CDH16: variants seen among roughly 807,000 people sequenced by gnomAD.
CDH16 encodes cadherin 16, also known as cadherin-16.
In CDH16, 79 loss-of-function variants were observed where a neutral mutation model predicts 87.6. That is an observed-to-expected ratio of 0.90 (90% CI 0.75 to 1.09). The LOEUF (loss-of-function observed/expected upper bound fraction) is 1.09, where lower values mean the gene tolerates loss of function less well. Ranked by LOEUF, CDH16 falls within the 50% of genes least tolerant of loss-of-function variation. CDH16 has a pLI of 0.00. For missense variants in CDH16, 1,124 were observed against 1,071.7 expected, an observed-to-expected ratio of 1.05 and a Z score of -0.68; for synonymous variants, 457 against 439.5, an observed-to-expected ratio of 1.04 and a Z score of -0.50.
At chr16:66,913,045 G>T in intron 9 of CDH16, 86 bp downstream of exon 9, 1 of 1,446,850 alleles carries the variant, frequency 6.9e-7, no homozygotes, top group South Asian at 1.3e-5. Context: ...ATTGACATGG[G>T]GGCCTGAGGC....
Position 66,915,259 on chromosome 16 carries a change from G to T in CDH16, c.544C>A (p.Leu182Met). 1 of 1,613,586 alleles carries T rather than the reference G, an allele frequency of 6.2e-7. No homozygotes were observed. Among genetic ancestry groups the T allele is most frequent in the Non-Finnish European group, 8.5e-7 (1 of 1,179,922 alleles). ...GCCAGAGCCCCCAGCCGAGGCTCCA[G>T]CTGGAACATGTCTGGGGAAGGCTGG... ...PAQPSPDMFQ[L>M]EPRLGALALS... The change falls in exon 6 of 18, where the codon CTG (leucine) becomes ATG (methionine). Residue 182 changes from leucine to methionine, a missense_variant. Transcript: ENST00000299752.
intron 7 of CDH16, among the ~76,000 whole-genome samples, 179 bp from the exon 8 acceptor site, chr16:66,913,792 G>A (rs1484939954): frequency 6.6e-6 from 1 of 152,218 alleles, no homozygotes; most frequent in African/African-American, 2.4e-5. Context: ...TAGTGGCCTT[G>A]CCCTGATCCA....
At position 66,913,281 on chromosome 16, in the gene CDH16, A is replaced by G. The variant is rs2145459493; in HGVS notation, c.904T>C (p.Tyr302His). 6.4e-7 allele frequency: 1 copy of G among 1,552,812 alleles called. No individual in the cohort carries two copies. Among genetic ancestry groups the G allele is most frequent in the South Asian group, 1.2e-5 (1 of 80,602 alleles). Reference protein sequence around the residue: ...RELDREAQAEYLLQVRAQNSH... With the variant: ...RELDREAQAEHLLQVRAQNSH... The stretch of plus-strand genomic sequence containing the variant: ...TTCTGAGCCCGCACCTGGAGCAGGT[A>G]CTGCGGTGGGCAGTAGGGGGCTTCA... Residue 302 changes from tyrosine to histidine, a missense_variant and splice_region_variant, in exon 9 of 18, where the codon TAC becomes CAC. Physicochemically the swap from Tyr to His is moderately conservative, Grantham distance 83. Coordinates refer to ENST00000299752, the MANE Select transcript of CDH16 (RefSeq NM_004062.4).
At position 66,909,999 on chromosome 16, in the gene CDH16, C is replaced by T. The variant is rs766493773; in HGVS notation, c.2262G>A (p.Gln754=). Residue 754 remains glutamine (Q), a synonymous_variant, in exon 16 of 18, where the codon CAG becomes CAA. Transcript: ENST00000299752. The surrounding 1 kb of genome is among the most constrained non-coding windows in gnomAD (Gnocchi z 4.1). ...VVVSHNAQMW[Q]LLVRVIVCRC... is the part of the protein sequence containing the mutation. ...GCCCAATCTCACCTCGAACCAGGAG[C>T]TGCCACATCTGGGCATTGTGGCTGA... 31 of 1,604,704 alleles carry T rather than the reference C, an allele frequency of 1.9e-5. No individual in the cohort carries two copies. The highest frequency in any genetic ancestry group is 2.6e-5 in the Non-Finnish European group (31 of 1,174,880).
chr16:66,909,650 G>A lies in CDH16; in HGVS notation c.2276-267C>T, dbSNP rs1962319641. On this transcript the variant is annotated intron_variant, in intron 16 of 17. Coordinates refer to ENST00000299752, the MANE Select transcript of CDH16 (RefSeq NM_004062.4). This position sits in a 1 kb window ranked among gnomAD's most constrained non-coding sequence, Gnocchi z 4.1. ...ATCTCTACTAAAAATACAAAAATTA[G>A]CAGGGCATGATGGTGCACACCTGTA... Among the ~76,000 whole-genome samples the A allele has an allele frequency of 6.6e-6, 1 of 152,132 alleles. No individual in the cohort carries two copies. The highest frequency in any genetic ancestry group is 6.5e-5 in the Admixed American group (1 of 15,274).
At position 66,912,744 on chromosome 16, in the gene CDH16, G is replaced by A. The variant is rs201421430; in HGVS notation, c.1202C>T (p.Thr401Met). ...TGCTCGGAGTGGGAGCACCCCCAGC[G>A]TCACACTGCCTGAAGTGGGGTCCAC... Reference protein sequence around the residue: ...FQVDPTSGSVTLGVLPLRAGQ... With the variant: ...FQVDPTSGSVMLGVLPLRAGQ... The change falls in exon 10 of 18, where the codon ACG becomes ATG. Residue 401 changes from threonine (T) to methionine (M), a missense_variant. Transcript: ENST00000299752. 14 of 1,613,552 alleles carry A rather than the reference G, an allele frequency of 8.7e-6. No individual in the cohort carries two copies. The highest frequency in any genetic ancestry group is 2.2e-5 in the East Asian group (1 of 44,862).
intron 2 of CDH16, 22 bp downstream of exon 2, chr16:66,917,999 G>C (rs769662630): frequency 7.4e-5 from 115 of 1,562,378 alleles, no homozygotes; most frequent in Non-Finnish European, 9.7e-5. Context: ...ACCTGAAGGA[G>C]AGGGGGCAGG....
In CDH16 at chr16:66,909,412, GA is replaced by G; in HGVS notation, c.2276-30del. 9.8e-7 allele frequency: 1 copy of G among 1,016,106 alleles called. No homozygotes were observed. 62.9% of individuals were successfully genotyped at this position (1,016,106 alleles called of 1,614,324 possible). A position where few individuals can be genotyped will look rare whatever the true frequency, so the allele number is the denominator to read the frequency against. On this transcript the variant is annotated intron_variant, in intron 16 of 17. Coordinates refer to ENST00000299752, the MANE Select transcript of CDH16 (RefSeq NM_004062.4). The surrounding 1 kb of genome is among the most constrained non-coding windows in gnomAD (Gnocchi z 4.1). The stretch of plus-strand genomic sequence containing the variant: ...AGGGGAGAGGGGAGGAAGGTAAGGG[GA>G]GGGAGGGGAGGGCTCCCCAGCTGCT...
In CDH16 at chr16:66,909,355, C is replaced by T. The variant is rs1962303972; in HGVS notation, c.2304G>A (p.Gly768=). The T allele has an allele frequency of 6.2e-7, 1 of 1,613,082 alleles. No individual in the cohort carries two copies. Among genetic ancestry groups the T allele is most frequent in the Non-Finnish European group, 8.5e-7 (1 of 1,179,836 alleles). The part of the protein sequence containing the change: ...RVIVCRCNVE[G]QCMRKVGRMK... ...TGCGGCCCACCTTGCGCATGCACTG[C>T]CCCTCCACGTTGCAGCGACACACGA... The change falls in exon 17 of 18, where the codon GGG becomes GGA. Residue 768 remains glycine (G), a synonymous_variant. Transcript: ENST00000299752. This position sits in a 1 kb window ranked among gnomAD's most constrained non-coding sequence, Gnocchi z 4.1.
Position 66,912,219 on chromosome 16 carries a change from T to G in CDH16, c.1548+23A>C, listed in dbSNP as rs578016082. ...TGCATGCGTGCATGTGTGGGCCCCT[T>G]TCCCAGCTACCCAGGCCCTCACCTT... On this transcript the variant is annotated intron_variant, in intron 12 of 17. Coordinates refer to ENST00000299752, the MANE Select transcript of CDH16 (RefSeq NM_004062.4). 109 of 1,600,066 alleles carry G rather than the reference T, an allele frequency of 6.8e-5. No homozygotes were observed. The South Asian group carries it at 1.2e-3, about 17-fold the overall frequency.
chr16:66,913,076 G>A (rs951064284), intron 9 of CDH16, 55 bp downstream of exon 9: 2 of 1,560,730 alleles, frequency 1.3e-6, no homozygotes, highest in African/African-American at 1.4e-5. Flanking sequence ...TCCCAGAGAA[G>A]AGCAAGACCA....
chr16:66,913,706 G>C, intron 7 of CDH16, 93 bp from the exon 8 acceptor site: 3 of 1,521,966 alleles, frequency 2.0e-6, no homozygotes, highest in African/African-American at 2.7e-5. Context: ...GAGCCCAACT[G>C]TGTGACCCAG....
Position 66,909,943 on chromosome 16 carries a change from G to A in CDH16, c.2275+43C>T, listed in dbSNP as rs115401381. 7.2e-4 allele frequency: 1,014 copies of A among 1,411,668 alleles called. 2 individuals carry two copies. The African/African-American group carries it at 0.013, about 17-fold the overall frequency. 87.4% of individuals were successfully genotyped at this position (1,411,668 alleles called of 1,614,324 possible). ...CAGCTCCCTCCCCTTGCATCCCAGCGGTTCCCTCAGGAACTGCAGGCTGCA... is the reference window on the plus strand; with the variant it reads ...CAGCTCCCTCCCCTTGCATCCCAGCAGTTCCCTCAGGAACTGCAGGCTGCA... On this transcript the variant is annotated intron_variant, in intron 16 of 17. Transcript: ENST00000299752. The surrounding 1 kb of genome is among the most constrained non-coding windows in gnomAD (Gnocchi z 4.1).
At chr16:66,910,218 C>T (rs771515481) in intron 15 of CDH16, 42 bp downstream of exon 15, 9 of 1,561,956 alleles carry the variant, frequency 5.8e-6, no homozygotes, top group Non-Finnish European at 7.8e-6. Context: ...ACACCCCCTC[C>T]CTGCCTTGGC....
In CDH16 at chr16:66,917,717, G is replaced by A. The variant is rs1482030225; in HGVS notation, c.54C>T (p.Pro18=). 1 of 1,610,876 alleles carries A rather than the reference G, an allele frequency of 6.2e-7. No individual in the cohort carries two copies. Among genetic ancestry groups the A allele is most frequent in the Non-Finnish European group, 8.5e-7 (1 of 1,178,494 alleles). The change falls in exon 3 of 18, where the codon CCC becomes CCT. Residue 18 remains proline (P), a synonymous_variant. Transcript: ENST00000299752. The part of the protein sequence containing the change: ...LLCVSVPQAL[P]KAQPAELSVE... ...CAGACAGCTCTGCAGGCTGGGCCTT[G>A]GGGAGAGCCTGTGGGAGGATTCTCA...
rs568571981 is a variant in CDH16 at position 66,911,748 on chromosome 16, G to A, written c.1790+151C>T. On this transcript the variant is annotated intron_variant, in intron 13 of 17. Coordinates refer to ENST00000299752, the MANE Select transcript of CDH16 (RefSeq NM_004062.4). Reference sequence around the variant, plus strand: ...TGCCCCACCCAGTCCATCCAGCCCCGATCCCTGCCAGGAGTCACAACCTTG... The same window carrying A: ...TGCCCCACCCAGTCCATCCAGCCCCAATCCCTGCCAGGAGTCACAACCTTG... The A allele has an allele frequency of 2.4e-4, 237 of 992,178 alleles. No homozygotes were observed. The African/African-American group carries it at 2.4e-3, about 10-fold the overall frequency. 61.5% of individuals were successfully genotyped at this position (992,178 alleles called of 1,614,324 possible). A position where few individuals can be genotyped will look rare whatever the true frequency, so the allele number is the denominator to read the frequency against.
Position 66,912,992 on chromosome 16 carries a change from G to A in CDH16, c.1055-101C>T, listed in dbSNP as rs565097951. The A allele has an allele frequency of 1.3e-3, 258 of 196,412 alleles. 2 individuals are homozygous for A. In the East Asian group the frequency reaches 0.032, roughly 24 times the overall value. 12.2% of individuals were successfully genotyped at this position (196,412 alleles called of 1,614,324 possible). A position where few individuals can be genotyped will look rare whatever the true frequency, so the allele number is the denominator to read the frequency against. ...GCCAAACTAAACTGAATTTGAGCTC[G>A]TGTGTGTGTGTGTGTGTGTGTGTGT... On this transcript the variant is annotated intron_variant, in intron 9 of 17. Coordinates refer to ENST00000299752, the MANE Select transcript of CDH16 (RefSeq NM_004062.4).
chr16:66,917,930 G>T, intron 2 of CDH16, 91 bp downstream of exon 2: 2 of 1,200,566 alleles, frequency 1.7e-6, no homozygotes, highest in South Asian at 1.5e-5. Context: ...CCGTTCTCAC[G>T]GTCAGTGCAA....
At chr16:66,914,127 T>C in intron 7 of CDH16, 89 bp downstream of exon 7, 1 of 1,176,458 alleles carries the variant, frequency 8.5e-7, no homozygotes. Context: ...TCATGAGGGT[T>C]CCAGACCCAG....
Sources: gnomAD v4.1 joint callset for allele counts (sites outside exome capture counted in the v4.1 genomes callset) on GRCh38, gnomAD v4.1.1 for gene constraint, Gnocchi (gnomAD v3.1) non-coding constraint, MANE v1.5 for transcripts, NCBI Gene and HGNC (gene_info 2026-07-23, HGNC 2026-07-21) for gene names.